The following CDC14B variants were observed in gnomAD, a reference collection of about 807,000 sequenced individuals.
CDC14B encodes the protein cell division cycle 14B.
Under a neutral mutation model 64.2 loss-of-function variants are expected in CDC14B, and 22 were observed. The ratio of observed to expected loss-of-function variants is 0.34; its 90% CI spans 0.24 to 0.49. CDC14B has a LOEUF of 0.49. Among genes scored for constraint, CDC14B ranks in the 20% least tolerant of loss-of-function variants. The probability of loss-of-function intolerance (pLI) is 0.99; values close to 1 mark genes in which losing one functional copy is unlikely to be tolerated. For missense variants in CDC14B, 498 were observed against 629.9 expected, an observed-to-expected ratio of 0.79 and a Z score of 2.24; for synonymous variants, 191 against 215.8, an observed-to-expected ratio of 0.89 and a Z score of 1.01.
At chr9:96,497,250 A>T (rs1180772263), downstream of CDC14B, among the ~76,000 whole-genome samples, 1 of 152,176 alleles carries the variant, frequency 6.6e-6, no homozygotes, top group Non-Finnish European at 1.5e-5. Context: ...TGTCAAAGCC[A>T]TGCAGACTTG....
chr9:96,523,763 T>A (rs375780118), intron 9 of CDC14B, 38 bp from the exon 10 acceptor site: 5 of 1,598,362 alleles, frequency 3.1e-6, no homozygotes, highest in African/African-American at 1.3e-5. Flanking sequence ...AAACTTGGGC[T>A]GATGTACTCC....
At chr9:96,518,897 G>T (rs1024844605) in intron 12 of CDC14B, among the ~76,000 whole-genome samples, 1 of 152,122 alleles carries the variant, frequency 6.6e-6, no homozygotes, top group Admixed American at 6.5e-5. Flanking sequence ...AGCACTTTGG[G>T]AGGCCAAGGT....
chr9:96,600,169 A>T (rs2118803596), intron 1 of CDC14B, among the ~76,000 whole-genome samples: 1 of 151,982 alleles, frequency 6.6e-6, no homozygotes, highest in South Asian at 2.1e-4. Context: ...CCGAGGTGGG[A>T]GAATCACTTG....
At chr9:96,519,730 TAAAA>T (rs59101582) in intron 12 of CDC14B, among the ~76,000 whole-genome samples, 3 of 111,368 alleles carry the variant, frequency 2.7e-5, no homozygotes, top group Non-Finnish European at 3.9e-5. Context: ...GACTCTGTCT[TAAAA>T]AAAAAAAAAA....
chr9:96,556,799 C>T (rs968927631), intron 4 of CDC14B, among the ~76,000 whole-genome samples: 1 of 151,926 alleles, frequency 6.6e-6, no homozygotes, highest in Non-Finnish European at 1.5e-5. Flanking sequence ...ATTTTAACCA[C>T]AGAGGAAAAA....
downstream of CDC14B, among the ~76,000 whole-genome samples, chr9:96,498,632 G>T (rs1319503530): frequency 6.6e-6 from 1 of 152,230 alleles, no homozygotes; most frequent in Non-Finnish European, 1.5e-5. Context: ...GAAACTGAGG[G>T]ACTGTAATCT....
At chr9:96,546,326 T>C (rs1190142362) in intron 5 of CDC14B, among the ~76,000 whole-genome samples, 2 of 152,008 alleles carry the variant, frequency 1.3e-5, no homozygotes, top group Non-Finnish European at 2.9e-5. Flanking sequence ...ATACCAGTAA[T>C]ATCAAGTTCA....
intron 12 of CDC14B, among the ~76,000 whole-genome samples, chr9:96,513,649 C>G (rs559385406): frequency 6.6e-6 from 1 of 152,268 alleles, no homozygotes; most frequent in Admixed American, 6.5e-5. Flanking sequence ...AGCCAGGTCT[C>G]GAACATAAAT....
At chr9:96,595,047 A>T (rs1397785198) in intron 1 of CDC14B, among the ~76,000 whole-genome samples, 1 of 151,954 alleles carries the variant, frequency 6.6e-6, no homozygotes, top group East Asian at 1.9e-4. Context: ...CTTACTCAGG[A>T]GGCTGAGGCA....
chr9:96,513,672 G>GA (rs1225925923), intron 12 of CDC14B, among the ~76,000 whole-genome samples: 7 of 152,192 alleles, frequency 4.6e-5, no homozygotes, highest in Non-Finnish European at 7.4e-5. Flanking sequence ...CCAATTCCAA[G>GA]AAAAAAATCC....
At chr9:96,603,943 C>G (rs1026492587) in intron 1 of CDC14B, among the ~76,000 whole-genome samples, 1 of 152,198 alleles carries the variant, frequency 6.6e-6, no homozygotes, top group African/African-American at 2.4e-5. Context: ...GTAGATCCAC[C>G]TTGAAACATT....
intron 12 of CDC14B, among the ~76,000 whole-genome samples, chr9:96,517,643 C>CAAAAA (rs1016405679): frequency 0.12 from 4,086 of 34,536 alleles, 305 homozygotes; most frequent in Non-Finnish European, 0.14. Context: ...GACTCCGTCT[C>CAAAAA]AAAAAAAAAA....
chr9:96,549,605 C>A (rs1441783298), intron 5 of CDC14B, among the ~76,000 whole-genome samples: 2 of 151,722 alleles, frequency 1.3e-5, no homozygotes, highest in African/African-American at 4.8e-5. Flanking sequence ...GCAGAGGTTG[C>A]AGTGAGTCCA....
chr9:96,546,890 G>A (rs535031663), intron 5 of CDC14B, among the ~76,000 whole-genome samples: 139 of 151,822 alleles, frequency 9.2e-4, no homozygotes, highest in Non-Finnish European at 1.6e-3. Context: ...GTGAAACCCC[G>A]TCTCTACTAA....
intron 1 of CDC14B, among the ~76,000 whole-genome samples, chr9:96,578,880 G>A (rs768492571): frequency 7.5e-4 from 114 of 152,254 alleles, no homozygotes; most frequent in Non-Finnish European, 1.2e-3. Flanking sequence ...GTGCAATGCC[G>A]CGATCTCGGC....
At chr9:96,592,695 C>T (rs1478164908) in intron 1 of CDC14B, among the ~76,000 whole-genome samples, 3 of 152,032 alleles carry the variant, frequency 2.0e-5, no homozygotes, top group African/African-American at 4.8e-5. Flanking sequence ...ATCACTTGAA[C>T]CTGGGAGGTG....
chr9:96,569,633 T>G (rs1844355647), intron 1 of CDC14B, among the ~76,000 whole-genome samples: 1 of 151,922 alleles, frequency 6.6e-6, no homozygotes, highest in Non-Finnish European at 1.5e-5. Flanking sequence ...GGGCTCTTCT[T>G]TTTTTCTTTT....
rs190242360 is a variant in CDC14B at position 96,518,138 on chromosome 9, C to T, written c.1343+4368G>A. 7.2e-5 allele frequency among the ~76,000 whole-genome samples: 11 copies of T among 152,288 alleles called. No homozygotes were observed. In the South Asian group the frequency reaches 1.7e-3, roughly 23 times the overall value. ...GCCTCTACTGAGCATCTGCTGTGTG[C>T]AGAGTACTGCTAATCAATTTGGAAA... On this transcript the variant is annotated intron_variant, in intron 12 of 13. Coordinates refer to ENST00000375241, the MANE Select transcript of CDC14B (RefSeq NM_033331.4).
chr9:96,602,162 A>G (rs1263099420), intron 1 of CDC14B, among the ~76,000 whole-genome samples: 1 of 152,200 alleles, frequency 6.6e-6, no homozygotes, highest in Non-Finnish European at 1.5e-5. Context: ...GAACCATTTG[A>G]TTACTTCTGG....
Sources: gnomAD v4.1 joint callset for allele counts (sites outside exome capture counted in the v4.1 genomes callset) on GRCh38, gnomAD v4.1.1 for gene constraint, MANE v1.5 for transcripts, NCBI Gene and HGNC (gene_info 2026-07-23, HGNC 2026-07-21) for gene names.